Variants in WDR41 observed in about 807,000 individuals in gnomAD.
WDR41 encodes WD repeat domain 41, also known as WD repeat-containing protein 41.
Under a neutral mutation model 69.3 loss-of-function variants are expected in WDR41, and 63 were observed. The ratio of observed to expected loss-of-function variants is 0.91; its 90% CI spans 0.74 to 1.12. The LOEUF is 1.12. WDR41 is among the 50% of genes most tolerant of loss of function. WDR41 has a pLI of 0.00. For missense variants in WDR41, 543 were observed against 534.5 expected (o/e 1.02, Z -0.16); for synonymous variants, 185 against 192.1 (o/e 0.96, Z 0.31).
chr5:77,574,747 G>T (rs1006270802), intron 1 of WDR41, among the ~76,000 whole-genome samples: 7 of 152,116 alleles, frequency 4.6e-5, no homozygotes, highest in South Asian at 4.1e-4. Context: ...CTCTTTCACA[G>T]ACAGCGACAT....
intron 8 of WDR41, among the ~76,000 whole-genome samples, chr5:77,443,679 A>G (rs1561731154): frequency 6.6e-6 from 1 of 152,124 alleles, no homozygotes; most frequent in Non-Finnish European, 1.5e-5. Context: ...CAGAGAAGCT[A>G]AGGAGTGAAG....
intron 1 of WDR41, among the ~76,000 whole-genome samples, chr5:77,616,658 C>T (rs940447224): frequency 6.6e-6 from 1 of 152,176 alleles, no homozygotes; most frequent in South Asian, 2.1e-4. Context: ...TCTCCTCTTG[C>T]ACTCCTTACC....
intron 1 of WDR41, among the ~76,000 whole-genome samples, chr5:77,514,385 C>A (rs1341643029): frequency 6.6e-6 from 1 of 152,164 alleles, no homozygotes; most frequent in Non-Finnish European, 1.5e-5. Context: ...CTTTAATTAG[C>A]AATGCCTGTC....
intron 1 of WDR41, among the ~76,000 whole-genome samples, chr5:77,562,125 T>C (rs1743538811): frequency 6.6e-6 from 1 of 152,182 alleles, no homozygotes; most frequent in Admixed American, 6.5e-5. Flanking sequence ...ACCTTCATGG[T>C]GGCTTAGATC....
chr5:77,483,779 T>C (rs754558559), intron 2 of WDR41, among the ~76,000 whole-genome samples: 1 of 152,156 alleles, frequency 6.6e-6, no homozygotes, highest in Non-Finnish European at 1.5e-5. Flanking sequence ...CAGTATAGAT[T>C]TTGACTCTGC....
chr5:77,499,672 A>G (rs1801988680), intron 1 of WDR41: 1 of 152,268 alleles, frequency 6.6e-6, no homozygotes. Flanking sequence ...GGAAACCCCA[A>G]GGAAACAGAA....
rs527962543 is a variant in WDR41 at position 77,470,377 on chromosome 5, G to T, written c.168-5568C>A. Among the ~76,000 whole-genome samples, 6 of 152,242 alleles carry T rather than the reference G, an allele frequency of 3.9e-5. No individual in the cohort carries two copies. The East Asian group carries it at 1.2e-3, about 29-fold the overall frequency. On this transcript the variant is annotated intron_variant, in intron 2 of 12. Coordinates refer to ENST00000296679, the MANE Select transcript of WDR41 (RefSeq NM_018268.4). ...AGGAAGAAACTGCATCAACTAACAA[G>T]CAAAATAACCAGCTAACATCATAAT... is the stretch of plus-strand genomic sequence containing the variant.
At position 77,466,761 on chromosome 5, in the gene WDR41, T is replaced by C. The variant is rs565535503; in HGVS notation, c.168-1952A>G. On this transcript the variant is annotated intron_variant, in intron 2 of 12. Coordinates refer to ENST00000296679, the MANE Select transcript of WDR41 (RefSeq NM_018268.4). ...GCTGCAAGGTCAATTACCTGGTTGG[T>C]AGATTATTCAGGCCTTCTATTCTTA... Among the ~76,000 whole-genome samples the C allele has an allele frequency of 9.9e-5, 15 of 151,672 alleles. No homozygotes were observed. The South Asian group carries it at 2.5e-3, about 25-fold the overall frequency.
chr5:77,459,130 T>C lies in WDR41; in HGVS notation c.349-6A>G, dbSNP rs1354900227. The C allele has an allele frequency of 6.3e-7, 1 of 1,577,642 alleles. No homozygotes were observed. The highest frequency in any genetic ancestry group is 1.7e-5 in the Admixed American group (1 of 57,908). ...GTAGTATCACCATCCCACACCTAAA[T>C]TTATGTTAAGAAATAATTTCTAAAC... On this transcript the variant is annotated splice_region_variant and splice_polypyrimidine_tract_variant and intron_variant, in intron 4 of 12. Coordinates refer to ENST00000296679, the MANE Select transcript of WDR41 (RefSeq NM_018268.4).
intron 2 of WDR41, among the ~76,000 whole-genome samples, chr5:77,480,861 A>G (rs995960916): frequency 9.9e-5 from 15 of 151,486 alleles, no homozygotes; most frequent in Non-Finnish European, 2.1e-4. Flanking sequence ...TTAGAATACC[A>G]AAAAAATCTG....
chr5:77,450,034 C>G (rs1799562579), intron 7 of WDR41, among the ~76,000 whole-genome samples, 164 bp from the exon 8 acceptor site: 1 of 152,196 alleles, frequency 6.6e-6, no homozygotes, highest in South Asian at 2.1e-4. Flanking sequence ...CTATTTCTTT[C>G]AAATGCTTGA....
chr5:77,449,766 C>G lies in WDR41; in HGVS notation c.691G>C (p.Val231Leu). The G allele has an allele frequency of 6.3e-7, 1 of 1,591,442 alleles. No homozygotes were observed. The highest frequency in any genetic ancestry group is 1.3e-5 in the African/African-American group (1 of 74,570). The part of the protein sequence containing the change: ...HQDNILSLIN[V>L]NDLSFVTGSH... ...ATGTACACAATGAGCTTACCATTGACATTAATCAATGAGAGAATATTATCC... is the reference window on the plus strand; with the variant it reads ...ATGTACACAATGAGCTTACCATTGAGATTAATCAATGAGAGAATATTATCC... Residue 231 changes from valine (V) to leucine (L), a missense_variant, in exon 8 of 13, where the codon GTC (valine) becomes CTC (leucine). By Grantham distance (32) the Val-to-Leu change is conservative. Transcript: ENST00000296679.
intron 1 of WDR41, among the ~76,000 whole-genome samples, chr5:77,558,927 G>GA (rs1743465344): frequency 2.6e-5 from 4 of 151,972 alleles, no homozygotes; most frequent in South Asian, 2.1e-4. Flanking sequence ...TACACTAAGG[G>GA]AAAAAAACCT....
In WDR41 at chr5:77,465,155, T is replaced by A. The variant is rs570352469; in HGVS notation, c.168-346A>T. On this transcript the variant is annotated intron_variant, in intron 2 of 12. Coordinates refer to ENST00000296679, the MANE Select transcript of WDR41 (RefSeq NM_018268.4). The stretch of plus-strand genomic sequence containing the variant: ...AAGTGCCTTCAGTGACAGGAAGTGA[T>A]ATTCTAGGAAGTGATTACGATGTTA... Among the ~76,000 whole-genome samples, 4 of 152,272 alleles carry A rather than the reference T, an allele frequency of 2.6e-5. No homozygotes were observed. In the South Asian group the frequency reaches 8.3e-4, roughly 32 times the overall value.
chr5:77,436,204 A>T, intron 12 of WDR41, 57 bp downstream of exon 12: 1 of 1,580,534 alleles, frequency 6.3e-7, no homozygotes, highest in Non-Finnish European at 8.6e-7. Flanking sequence ...GAAAGAAAAG[A>T]GCAATGAAAT....
intron 1 of WDR41, among the ~76,000 whole-genome samples, chr5:77,503,953 C>T (rs1422820462): frequency 6.6e-6 from 1 of 152,018 alleles, no homozygotes; most frequent in Admixed American, 6.5e-5. Context: ...ACCCTACCGT[C>T]ACAATTAAAA....
chr5:77,552,837 A>G (rs551402579), intron 1 of WDR41, among the ~76,000 whole-genome samples: 1 of 152,346 alleles, frequency 6.6e-6, no homozygotes, highest in Admixed American at 6.5e-5. Flanking sequence ...TTGCATATCC[A>G]TATGGGGAAA....
intron 1 of WDR41, among the ~76,000 whole-genome samples, chr5:77,542,595 A>G (rs1743112141): frequency 6.6e-6 from 1 of 152,248 alleles, no homozygotes; most frequent in Non-Finnish European, 1.5e-5. Context: ...TAACAATAAC[A>G]TAATAACATA....
chr5:77,433,084 C>A lies in WDR41; in HGVS notation c.*51G>T. 1 of 1,532,534 alleles carries A rather than the reference C, an allele frequency of 6.5e-7. No homozygotes were observed. Among genetic ancestry groups the A allele is most frequent in the East Asian group, 2.3e-5 (1 of 42,992 alleles). The allele number at this position is 1,532,534 out of a possible 1,614,324, so 94.9% of individuals were successfully genotyped here. ...TATATTAATGGTTTTCAGAGTAGTA[C>A]CCGATATTTGATGTTCAAGGTTCAT... On this transcript the variant is annotated 3_prime_UTR_variant, in exon 13 of 13. Coordinates refer to ENST00000296679, the MANE Select transcript of WDR41 (RefSeq NM_018268.4).
Sources: gnomAD v4.1 joint callset for allele counts (sites outside exome capture counted in the v4.1 genomes callset) on GRCh38, gnomAD v4.1.1 for gene constraint, MANE v1.5 for transcripts, NCBI Gene and HGNC (gene_info 2026-07-23, HGNC 2026-07-21) for gene names.